Variants in CHST8 observed in about 807,000 individuals in gnomAD.
CHST8 encodes GALNAC-4-ST1.
A neutral mutation model predicts 15.0 loss-of-function variants in CHST8; 10 were observed. The ratio of observed to expected loss-of-function variants is 0.67; its 90% CI spans 0.41 to 1.13. The LOEUF is 1.13. CHST8 is among the 50% of genes most tolerant of loss of function. The probability of loss-of-function intolerance (pLI) is 0.00; values close to 1 mark genes in which losing one functional copy is unlikely to be tolerated. For synonymous variants in CHST8, 259 were observed against 256.6 expected, an observed-to-expected ratio of 1.01 and a Z score of -0.09; for missense variants, 634 against 608.2, an observed-to-expected ratio of 1.04 and a Z score of -0.45.
At chr19:33,730,710 T>C (rs1214884056) in intron 3 of CHST8, among the ~76,000 whole-genome samples, 1 of 152,218 alleles carries the variant, frequency 6.6e-6, no homozygotes, top group Admixed American at 6.5e-5. Context: ...GGGGAGTTTA[T>C]TAAGAAGTAT....
At chr19:33,634,216 G>A (rs935928889) in intron 1 of CHST8, among the ~76,000 whole-genome samples, 1 of 152,040 alleles carries the variant, frequency 6.6e-6, no homozygotes, top group African/African-American at 2.4e-5. Context: ...CCCACTCCAC[G>A]TCCTGTCCAA....
chr19:33,762,325 G>A (rs1262488427), intron 3 of CHST8, among the ~76,000 whole-genome samples: 1 of 152,214 alleles, frequency 6.6e-6, no homozygotes, highest in Non-Finnish European at 1.5e-5. Flanking sequence ...CGGGACAGCC[G>A]TTGGGTTTGT....
At chr19:33,757,485 A>AG (rs1974598448) in intron 3 of CHST8, among the ~76,000 whole-genome samples, 1 of 53,440 alleles carries the variant, frequency 1.9e-5, no homozygotes, top group Non-Finnish European at 3.8e-5. Flanking sequence ...AAAGAAAGAA[A>AG]GAAAGAAAGA....
intron 1 of CHST8, among the ~76,000 whole-genome samples, chr19:33,637,027 TC>T (rs1240433633): frequency 6.6e-6 from 1 of 152,248 alleles, no homozygotes; most frequent in African/African-American, 2.4e-5. Context: ...GATGGATTGT[TC>T]ATGCCTCCCC....
At chr19:33,698,172 G>A (rs1973258309) in intron 3 of CHST8, among the ~76,000 whole-genome samples, 1 of 152,186 alleles carries the variant, frequency 6.6e-6, no homozygotes, top group South Asian at 2.1e-4. Context: ...AGCTACTTGG[G>A]AGACTGAGGC....
intron 2 of CHST8, among the ~76,000 whole-genome samples, chr19:33,675,812 T>C (rs1972802241): frequency 6.6e-6 from 1 of 152,236 alleles, no homozygotes; most frequent in South Asian, 2.1e-4. Flanking sequence ...GCAGCCTCTC[T>C]TCCCAGAGGA....
At chr19:33,760,587 G>A (rs534717855) in intron 3 of CHST8, among the ~76,000 whole-genome samples, 30 of 151,898 alleles carry the variant, frequency 2.0e-4, no homozygotes, top group African/African-American at 7.0e-4. Flanking sequence ...CCAAAGCACT[G>A]GGATTAAAGG....
intron 3 of CHST8, among the ~76,000 whole-genome samples, chr19:33,748,768 G>A (rs533931281): frequency 9.9e-5 from 15 of 152,248 alleles, no homozygotes; most frequent in East Asian, 9.7e-4. Flanking sequence ...CCGCTCCTGG[G>A]CCCTTAGGAG....
chr19:33,706,194 A>T (rs1024959034), intron 3 of CHST8, among the ~76,000 whole-genome samples: 2 of 152,170 alleles, frequency 1.3e-5, no homozygotes, highest in Non-Finnish European at 2.9e-5. Context: ...GATGCATGGC[A>T]TTGGAGGGCC....
At chr19:33,629,885 C>T (rs1250355199) in intron 1 of CHST8, among the ~76,000 whole-genome samples, 2 of 152,250 alleles carry the variant, frequency 1.3e-5, no homozygotes, top group African/African-American at 4.8e-5. Context: ...CCTGGGCTGG[C>T]CTGGCCACTC....
intron 3 of CHST8, among the ~76,000 whole-genome samples, chr19:33,698,967 A>C (rs1468270098): frequency 1.3e-5 from 2 of 152,128 alleles, no homozygotes; most frequent in Non-Finnish European, 2.9e-5. Flanking sequence ...TTGCCCTGGG[A>C]GAGGGGCTGG....
intron 2 of CHST8, among the ~76,000 whole-genome samples, chr19:33,679,270 GA>G (rs1465518907): frequency 6.6e-6 from 1 of 152,196 alleles, no homozygotes; most frequent in East Asian, 1.9e-4. Context: ...AGAGCCGCTG[GA>G]AAATGTGAAT....
rs780796233 is a variant in CHST8, at chr19:33,752,200, C to T, written c.131-19213C>T. Among the ~76,000 whole-genome samples the T allele has an allele frequency of 4.7e-4, 72 of 152,294 alleles. No individual in the cohort carries two copies. The Middle Eastern group carries it at 0.014, about 29-fold the overall frequency. ...GGGGCTGCCCATGCCAACCGCAGTT[C>T]CCCCAACCTGCCCGCCGCCTAGGGG... On this transcript the variant is annotated intron_variant, in intron 3 of 4. Transcript: ENST00000650847.
chr19:33,771,681 G>C (rs1223766957), intron 4 of CHST8, among the ~76,000 whole-genome samples: 1 of 152,124 alleles, frequency 6.6e-6, no homozygotes, highest in Non-Finnish European at 1.5e-5. Flanking sequence ...ATCTGAGCCC[G>C]CCTGCAGGCC....
chr19:33,713,570 G>A (rs990392311), intron 3 of CHST8, among the ~76,000 whole-genome samples: 1 of 151,898 alleles, frequency 6.6e-6, no homozygotes, highest in Non-Finnish European at 1.5e-5. Context: ...TTTTGTTTTT[G>A]TTTTTGTTTT....
intron 2 of CHST8, among the ~76,000 whole-genome samples, chr19:33,673,318 A>G (rs955712982): frequency 2.0e-5 from 3 of 152,212 alleles, no homozygotes; most frequent in Admixed American, 1.3e-4. Context: ...GGAAATGTCA[A>G]TGAGTAACTG....
chr19:33,726,072 G>A (rs1973891973), intron 3 of CHST8, among the ~76,000 whole-genome samples: 1 of 152,222 alleles, frequency 6.6e-6, no homozygotes, highest in South Asian at 2.1e-4. Flanking sequence ...ACCGGGGTCT[G>A]AGTTGACCCA....
At chr19:33,623,544 C>T (rs892466986) in intron 1 of CHST8, among the ~76,000 whole-genome samples, 1 of 152,198 alleles carries the variant, frequency 6.6e-6, no homozygotes, top group African/African-American at 2.4e-5. Context: ...TTATTTCCCA[C>T]CGCCGCCCAA....
At chr19:33,633,222 GT>G (rs1972146064) in intron 1 of CHST8, among the ~76,000 whole-genome samples, 1 of 152,186 alleles carries the variant, frequency 6.6e-6, no homozygotes, top group Non-Finnish European at 1.5e-5. Context: ...CATCCATGTT[GT>G]TTTGAGTTGT....
Sources: allele counts gnomAD v4.1 joint callset (sites outside exome capture counted in the v4.1 genomes callset), GRCh38; gene constraint gnomAD v4.1.1; transcripts MANE v1.5; gene names NCBI Gene and HGNC (gene_info 2026-07-23, HGNC 2026-07-21).